Variants in FOXA3 observed in about 807,000 individuals in gnomAD.
FOXA3 encodes forkhead box A3, also known as hepatocyte nuclear factor 3-gamma.
A neutral mutation model predicts 16.9 loss-of-function variants in FOXA3; 11 were observed. The ratio of observed to expected loss-of-function variants is 0.65; its 90% CI spans 0.41 to 1.08. FOXA3 has a LOEUF of 1.08. FOXA3 is among the 50% of genes least tolerant of loss of function. The pLI is 0.00. For synonymous variants in FOXA3, 217 were observed against 203.3 expected, an observed-to-expected ratio of 1.07 and a Z score of -0.57; for missense variants, 423 against 470.1, an observed-to-expected ratio of 0.90 and a Z score of 0.93.
intron 1 of FOXA3, among the ~76,000 whole-genome samples, chr19:45,871,608 C>T (rs991927741): frequency 9.3e-5 from 14 of 150,990 alleles, no homozygotes; most frequent in Non-Finnish European, 1.9e-4. Context: ...GTGGCACACA[C>T]CTGTAATCCC....
intron 1 of FOXA3, among the ~76,000 whole-genome samples, chr19:45,866,336 G>C (rs1972085298): frequency 2.0e-5 from 3 of 152,086 alleles, no homozygotes; most frequent in African/African-American, 7.2e-5. Flanking sequence ...ACTTGAGGCT[G>C]GGAGTTCGAG....
chr19:45,872,481 A>G lies in FOXA3; in HGVS notation c.476A>G (p.Gln159Arg). The change falls in exon 2 of 2, where the codon CAG becomes CGG. Residue 159 changes from glutamine to arginine, a missense_variant. Around this residue, in one of 3 missense-constraint regions of FOXA3, gnomAD observed 85 missense variants for 136.9 expected, o/e 0.62. Transcript: ENST00000302177. The surrounding 1 kb of genome is among the most constrained non-coding windows in gnomAD (Gnocchi z 4.5). ...TTCCCTTACTACCGGGAGAATCAGCAGCGCTGGCAGAACTCCATTCGCCAC... is the reference window on the plus strand; with the variant it reads ...TTCCCTTACTACCGGGAGAATCAGCGGCGCTGGCAGAACTCCATTCGCCAC... Reference protein sequence around the residue: ...DLFPYYRENQQRWQNSIRHSL... With the variant: ...DLFPYYRENQRRWQNSIRHSL... The G allele has an allele frequency of 1.2e-6, 2 of 1,614,200 alleles. No individual in the cohort carries two copies. Among genetic ancestry groups the G allele is most frequent in the South Asian group, 1.1e-5 (1 of 91,090 alleles).
chr19:45,868,612 G>A (rs1423133490), intron 1 of FOXA3, among the ~76,000 whole-genome samples: 1 of 151,474 alleles, frequency 6.6e-6, no homozygotes, highest in Non-Finnish European at 1.5e-5. Flanking sequence ...ACAGTGGCAG[G>A]AGACTAGGCG....
At position 45,872,152 on chromosome 19, in the gene FOXA3, C is replaced by G. The variant is rs1966911619; in HGVS notation, c.147C>G (p.Pro49=). ...TGACCCTGAATCCTCTAAGCTCTCC[C>G]TATCCCCCTGGGGGGCTCCCTGCCT... The part of the protein sequence containing the change: ...SYMTLNPLSS[P]YPPGGLPASP... The change falls in exon 2 of 2, where the codon CCC becomes CCG. Residue 49 remains proline, a synonymous_variant. Transcript: ENST00000302177. The surrounding 1 kb of genome is among the most constrained non-coding windows in gnomAD (Gnocchi z 4.5). 2 of 1,592,558 alleles carry G rather than the reference C, an allele frequency of 1.3e-6. No homozygotes were observed. The highest frequency in any genetic ancestry group is 2.2e-5 in the East Asian group (1 of 44,716).
chr19:45,867,545 C>T (rs1477611534), intron 1 of FOXA3, among the ~76,000 whole-genome samples: 4 of 151,790 alleles, frequency 2.6e-5, no homozygotes, highest in East Asian at 1.9e-4. Flanking sequence ...TTTGGGAGGC[C>T]GAAGAGGGTG....
Position 45,873,166 on chromosome 19 carries a change from G to T in FOXA3, c.*108G>T. 6.6e-7 allele frequency: 1 copy of T among 1,515,254 alleles called. No homozygotes were observed. 93.9% of individuals were successfully genotyped at this position (1,515,254 alleles called of 1,614,324 possible). A position where few individuals can be genotyped will look rare whatever the true frequency, so the allele number is the denominator to read the frequency against. On this transcript the variant is annotated 3_prime_UTR_variant, in exon 2 of 2. Coordinates refer to ENST00000302177, the MANE Select transcript of FOXA3 (RefSeq NM_004497.3). The stretch of plus-strand genomic sequence containing the variant: ...ACTTGTCCCATTGGTTAACATCTGG[G>T]TGGGTCTATTACTTACTGTGATGAC...
chr19:45,865,046 G>C (rs1247562808), intron 1 of FOXA3, among the ~76,000 whole-genome samples: 1 of 152,104 alleles, frequency 6.6e-6, no homozygotes, highest in East Asian at 1.9e-4. Context: ...ATCTAAGGTA[G>C]GGTCAGACAT....
At chr19:45,866,524 T>C (rs1351541738) in intron 1 of FOXA3, among the ~76,000 whole-genome samples, 5 of 152,086 alleles carry the variant, frequency 3.3e-5, no homozygotes, top group Non-Finnish European at 7.3e-5. Context: ...TCTGAGGCTC[T>C]CCCCAGCCTT....
rs1972063442 is a variant in FOXA3 at position 45,864,676 on chromosome 19, AGTCG to A, written c.69+153_69+156del. The A allele has an allele frequency of 1.7e-5, 10 of 578,636 alleles. No homozygotes were observed. In the East Asian group the frequency reaches 3.5e-4, roughly 20 times the overall value. The allele number at this position is 578,636 out of a possible 1,614,324, so 35.8% of individuals were successfully genotyped here. ...TGGGAACACGGAGACCAGGTGTGGA[AGTCG>A]GGGACCGGGGACGAGGCATGGATGG... On this transcript the variant is annotated intron_variant, in intron 1 of 1. Coordinates refer to ENST00000302177, the MANE Select transcript of FOXA3 (RefSeq NM_004497.3).
At position 45,864,412 on chromosome 19, in the gene FOXA3, C is replaced by A. The variant is rs199879108; in HGVS notation, c.-45C>A. The A allele has an allele frequency of 5.6e-5, 76 of 1,354,606 alleles. No individual in the cohort carries two copies. In the East Asian group the frequency reaches 9.3e-4, roughly 17 times the overall value. The allele number at this position is 1,354,606 out of a possible 1,614,324, so 83.9% of individuals were successfully genotyped here. ...GCTGAGAGATCCAGAGCGCTCCGTT[C>A]CCCCGGGGCCGGAGCGGGGGCGGGT... On this transcript the variant is annotated 5_prime_UTR_variant, in exon 1 of 2. Coordinates refer to ENST00000302177, the MANE Select transcript of FOXA3 (RefSeq NM_004497.3).
intron 1 of FOXA3, among the ~76,000 whole-genome samples, chr19:45,867,025 C>G (rs1040133891): frequency 6.6e-5 from 10 of 152,150 alleles, no homozygotes; most frequent in African/African-American, 2.4e-4. Flanking sequence ...GGCTCAGACC[C>G]GGACACCAGG....
At position 45,869,779 on chromosome 19, in the gene FOXA3, TTTTA is replaced by T. The variant is rs566927865; in HGVS notation, c.70-2284_70-2281del. On this transcript the variant is annotated intron_variant, in intron 1 of 1. Coordinates refer to ENST00000302177, the MANE Select transcript of FOXA3 (RefSeq NM_004497.3). Reference sequence around the variant, plus strand: ...TTTATGTATAAATACAGTAATTTATTTTTATTTATTTATTTTTTTTTTTTGAGAC... The same window carrying T: ...TTTATGTATAAATACAGTAATTTATTTTTATTTATTTTTTTTTTTTGAGAC... 1.9e-4 allele frequency among the ~76,000 whole-genome samples: 28 copies of T among 148,188 alleles called. No homozygotes were observed. The South Asian group carries it at 4.3e-3, about 23-fold the overall frequency.
chr19:45,867,287 C>A (rs1386471547), intron 1 of FOXA3, among the ~76,000 whole-genome samples: 1 of 152,026 alleles, frequency 6.6e-6, no homozygotes, highest in Non-Finnish European at 1.5e-5. Context: ...CATCCCTTTT[C>A]TTTTTCTGGG....
intron 1 of FOXA3, among the ~76,000 whole-genome samples, chr19:45,869,529 G>A (rs1314568963): frequency 6.6e-6 from 1 of 152,164 alleles, no homozygotes; most frequent in African/African-American, 2.4e-5. Flanking sequence ...AAGATCTACC[G>A]TGTTCCATTG....
At position 45,872,814 on chromosome 19, in the gene FOXA3, C is replaced by T. The variant is rs1966922795; in HGVS notation, c.809C>T (p.Ala270Val). The T allele has an allele frequency of 6.2e-7, 1 of 1,612,474 alleles. No individual in the cohort carries two copies. The highest frequency in any genetic ancestry group is 1.1e-5 in the South Asian group (1 of 91,084). Reference sequence around the variant, plus strand: ...GCCCAGGGCGGGGAAGATGTGGGGGCTCTGGACTGTGGCTCACCCGCTTCC... The same window carrying T: ...GCCCAGGGCGGGGAAGATGTGGGGGTTCTGGACTGTGGCTCACCCGCTTCC... ...PEAQGGEDVG[A>V]LDCGSPASST... The change falls in exon 2 of 2, where the codon GCT becomes GTT. Residue 270 changes from alanine to valine, a missense_variant. Around this residue, in one of 3 missense-constraint regions of FOXA3, gnomAD observed 168 missense variants for 179.3 expected, o/e 0.94. Transcript: ENST00000302177. The surrounding 1 kb of genome is among the most constrained non-coding windows in gnomAD (Gnocchi z 4.5).
At chr19:45,866,048 G>C (rs1460440435) in intron 1 of FOXA3, among the ~76,000 whole-genome samples, 2 of 152,128 alleles carry the variant, frequency 1.3e-5, no homozygotes, top group Non-Finnish European at 2.9e-5. Flanking sequence ...CTAGGCAGGA[G>C]GAGTTGATAT....
rs766381222 is a variant in FOXA3 at position 45,872,407 on chromosome 19, G to A, written c.402G>A (p.Pro134=). The part of the protein sequence containing the change: ...SLITMAIQQA[P]GKMLTLSEIY... ...TCACCATGGCCATCCAGCAGGCGCC[G>A]GGCAAGATGCTGACCTTGAGTGAAA... Residue 134 remains proline, a synonymous_variant, in exon 2 of 2, where the codon CCG becomes CCA. Coordinates refer to ENST00000302177, the MANE Select transcript of FOXA3 (RefSeq NM_004497.3). This position sits in a 1 kb window ranked among gnomAD's most constrained non-coding sequence, Gnocchi z 4.5. 4.2e-5 allele frequency: 68 copies of A among 1,614,110 alleles called. No individual in the cohort carries two copies. The highest frequency in any genetic ancestry group is 1.2e-4 in the Admixed American group (7 of 60,010).
chr19:45,864,572 G>C, intron 1 of FOXA3, 47 bp downstream of exon 1: 1 of 1,444,492 alleles, frequency 6.9e-7, no homozygotes, highest in South Asian at 1.4e-5. Flanking sequence ...GCAGGTATCG[G>C]GGTGTGGGCT....
Position 45,873,341 on chromosome 19 carries a change from GT to G in FOXA3, c.*285del. 2.0e-6 allele frequency: 1 copy of G among 497,794 alleles called. No homozygotes were observed. The highest frequency in any genetic ancestry group is 2.3e-5 in the South Asian group (1 of 42,682). 30.8% of individuals were successfully genotyped at this position (497,794 alleles called of 1,614,324 possible). The stretch of plus-strand genomic sequence containing the variant: ...GCATGGTTTGATGGCCACCATCTCG[GT>G]TGGCCCTTTGGGTGTGATGGTGATA... On this transcript the variant is annotated 3_prime_UTR_variant, in exon 2 of 2. Coordinates refer to ENST00000302177, the MANE Select transcript of FOXA3 (RefSeq NM_004497.3).
Sources: allele counts gnomAD v4.1 joint callset (sites outside exome capture counted in the v4.1 genomes callset), GRCh38; gene constraint gnomAD v4.1.1; regional missense constraint gnomAD v4.1.1; non-coding constraint Gnocchi (gnomAD v3.1); transcripts MANE v1.5; gene names NCBI Gene and HGNC (gene_info 2026-07-23, HGNC 2026-07-21).